POFUT2: variants seen among roughly 807,000 people sequenced by gnomAD.
POFUT2 encodes GDP-fucose protein O-fucosyltransferase 2.
A neutral mutation model predicts 55.0 loss-of-function variants in POFUT2; 30 were observed. That is an observed-to-expected ratio of 0.55 (90% CI 0.41 to 0.74). The LOEUF (loss-of-function observed/expected upper bound fraction) is 0.74. POFUT2 is among the 30% of genes least tolerant of loss of function. POFUT2 has a pLI of 0.00. For missense variants in POFUT2, 524 were observed against 562.6 expected, an observed-to-expected ratio of 0.93 and a Z score of 0.69; for synonymous variants, 267 against 231.1, an observed-to-expected ratio of 1.16 and a Z score of -1.41.
intron 8 of POFUT2, chr21:45,266,193 A>G: frequency 1.5e-6 from 2 of 1,367,562 alleles, no homozygotes; most frequent in Non-Finnish European, 2.0e-6. Flanking sequence ...GCTCCTGCGC[A>G]GCTGGTCTCT....
intron 7 of POFUT2, among the ~76,000 whole-genome samples, chr21:45,269,344 A>C (rs2093195938): frequency 6.6e-6 from 1 of 152,174 alleles, no homozygotes; most frequent in South Asian, 2.1e-4. Flanking sequence ...GTGGAATAGA[A>C]AGGCGGGAAA....
At chr21:45,283,317 G>T (rs2030961366) in intron 3 of POFUT2, 66 bp downstream of exon 3, 3 of 822,878 alleles carry the variant, frequency 3.6e-6, no homozygotes, top group African/African-American at 2.5e-5. Flanking sequence ...GCGGGGGGGG[G>T]GGGACGCATG....
Position 45,285,949 on chromosome 21 carries a change from C to G in POFUT2, c.132-21G>C. 6.3e-7 allele frequency: 1 copy of G among 1,582,616 alleles called. No individual in the cohort carries two copies. Among genetic ancestry groups the G allele is most frequent in the Non-Finnish European group, 8.6e-7 (1 of 1,164,072 alleles). ...GATACCTGAGCAGGGAGAAGGAGGA[C>G]CACAGGTCTCAAATGCTGAGGTTTC... On this transcript the variant is annotated intron_variant, in intron 1 of 8. Transcript: ENST00000349485. The surrounding 1 kb of genome is among the most constrained non-coding windows in gnomAD (Gnocchi z 4.9).
Position 45,265,914 on chromosome 21 carries a change from C to A in POFUT2, c.1137-279G>T, listed in dbSNP as rs530966153. ...GCCACGCTCCTGTCCCACCGCATGT[C>A]CCCCTGGGAGCCCTCCTCTCCGTCA... On this transcript the variant is annotated intron_variant, in intron 8 of 8. Coordinates refer to ENST00000349485, the MANE Select transcript of POFUT2 (RefSeq NM_133635.6). This position sits in a 1 kb window ranked among gnomAD's most constrained non-coding sequence, Gnocchi z 4.6. The A allele has an allele frequency of 1.5e-6, 2 of 1,302,166 alleles. No individual in the cohort carries two copies. The highest frequency in any genetic ancestry group is 3.5e-5 in the East Asian group (1 of 28,524). The allele number at this position is 1,302,166 out of a possible 1,614,324, so 80.7% of individuals were successfully genotyped here.
chr21:45,267,623 G>C lies in POFUT2; in HGVS notation c.1103C>G (p.Ala368Gly), dbSNP rs778154873. ...ELELYKDGGVAIIDQWICAHA... is the reference protein window; with the variant it reads ...ELELYKDGGVGIIDQWICAHA... ...TGCGCAGATCCACTGGTCAATAATC[G>C]CAACGCCTCCGTCCTTGTAGAGCTC... is the stretch of plus-strand genomic sequence containing the variant. Residue 368 changes from alanine to glycine, a missense_variant, in exon 8 of 9, where the codon GCG (alanine) becomes GGG (glycine). This residue lies in a region of POFUT2 where 250 missense variants were observed against 318.2 expected (regional missense o/e 0.79). Coordinates refer to ENST00000349485, the MANE Select transcript of POFUT2 (RefSeq NM_133635.6). This position sits in a 1 kb window ranked among gnomAD's most constrained non-coding sequence, Gnocchi z 4.4. 6.2e-7 allele frequency: 1 copy of C among 1,614,210 alleles called. No homozygotes were observed.
In POFUT2 at chr21:45,278,112, T is replaced by C. The variant is rs769702148; in HGVS notation, c.696A>G (p.Glu232=). Residue 232 remains glutamate (E), a synonymous_variant, in exon 5 of 9, where the codon GAA becomes GAG. Coordinates refer to ENST00000349485, the MANE Select transcript of POFUT2 (RefSeq NM_133635.6). ...NLLHDHYGGK[E]YWDTRRSMVF... is the part of the protein sequence containing the mutation. The stretch of plus-strand genomic sequence containing the variant: ...CCGAGGAAACACTCACATCCCAGTA[T>C]TCTTTCCCTCCATAGTGGTCGTGAA... The C allele has an allele frequency of 6.2e-7, 1 of 1,613,134 alleles. No homozygotes were observed. Among genetic ancestry groups the C allele is most frequent in the African/African-American group, 1.3e-5 (1 of 74,934 alleles).
chr21:45,276,148 C>T (rs1394844501), intron 6 of POFUT2, among the ~76,000 whole-genome samples: 1 of 151,952 alleles, frequency 6.6e-6, no homozygotes, highest in Admixed American at 6.5e-5. Flanking sequence ...GAGATCGTGT[C>T]ACTGCACTCC....
rs1249106656 is a variant in POFUT2 at position 45,285,053 on chromosome 21, G to C, written c.382+625C>G. On this transcript the variant is annotated intron_variant, in intron 2 of 8. Transcript: ENST00000349485. The surrounding 1 kb of genome is among the most constrained non-coding windows in gnomAD (Gnocchi z 4.9). ...AGCCCCGAGAGTGGCTGTCGAGTAA[G>C]AACTCAACAGATGCTGGAAAGCAGG... 1.3e-5 allele frequency among the ~76,000 whole-genome samples: 2 copies of C among 152,148 alleles called. No individual in the cohort carries two copies. The highest frequency in any genetic ancestry group is 2.9e-5 in the Non-Finnish European group (2 of 68,036).
rs1340161743 is a variant in POFUT2 at position 45,264,308 on chromosome 21, CCTGA to C, written c.*1170_*1173del. 1.8e-4 allele frequency: 28 copies of C among 152,274 alleles called. No homozygotes were observed. The highest frequency in any genetic ancestry group is 6.5e-4 in the African/African-American group (27 of 41,458). The allele number at this position is 152,274 out of a possible 1,614,324, so 9.4% of individuals were successfully genotyped here. A position where few individuals can be genotyped will look rare whatever the true frequency, so the allele number is the denominator to read the frequency against. On this transcript the variant is annotated 3_prime_UTR_variant, in exon 9 of 9. Coordinates refer to ENST00000349485, the MANE Select transcript of POFUT2 (RefSeq NM_133635.6). The stretch of plus-strand genomic sequence containing the variant: ...TCAGTGAGGACTCAGCCCCCACCAA[CCTGA>C]CTGAGGGTCACACGACACCATGGTG...
At chr21:45,266,590 G>A (rs2093157114) in intron 8 of POFUT2, 4 of 1,058,552 alleles carry the variant, frequency 3.8e-6, no homozygotes, top group Non-Finnish European at 4.6e-6. Context: ...TCGTAACTGG[G>A]CTCCTGCACA....
Position 45,282,221 on chromosome 21 carries a change from C to A in POFUT2, c.638+128G>T, listed in dbSNP as rs1046020487. The A allele has an allele frequency of 1.5e-6, 1 of 666,752 alleles. No individual in the cohort carries two copies. The highest frequency in any genetic ancestry group is 2.6e-6 in the Non-Finnish European group (1 of 382,008). The allele number at this position is 666,752 out of a possible 1,614,324, so 41.3% of individuals were successfully genotyped here. A position where few individuals can be genotyped will look rare whatever the true frequency, so the allele number is the denominator to read the frequency against. ...CCTAACCACCACCCCCCAGGGCCCCCAGGGTCCGCTGTCTGTGAGGTGGGT... is the reference window on the plus strand; with the variant it reads ...CCTAACCACCACCCCCCAGGGCCCCAAGGGTCCGCTGTCTGTGAGGTGGGT... On this transcript the variant is annotated intron_variant, in intron 4 of 8. Transcript: ENST00000349485. The surrounding 1 kb of genome is among the most constrained non-coding windows in gnomAD (Gnocchi z 4.6).
At chr21:45,266,381 G>A (rs1602144091) in intron 8 of POFUT2, 6 of 1,246,580 alleles carry the variant, frequency 4.8e-6, no homozygotes, top group Non-Finnish European at 6.2e-6. Context: ...CCACACACAG[G>A]GGCCTGCCAG....
chr21:45,279,927 G>A (rs1027364846), intron 4 of POFUT2, among the ~76,000 whole-genome samples: 2 of 152,260 alleles, frequency 1.3e-5, no homozygotes, highest in African/African-American at 2.4e-5. Flanking sequence ...ATGGCTGCAT[G>A]CACAGGCGGC....
At chr21:45,275,284 C>T (rs1025787565) in intron 6 of POFUT2, among the ~76,000 whole-genome samples, 3 of 152,114 alleles carry the variant, frequency 2.0e-5, no homozygotes, top group Admixed American at 6.5e-5. Flanking sequence ...GATGTCGGCA[C>T]GGATGCAGTG....
chr21:45,267,378 A>G lies in POFUT2; in HGVS notation c.1136+212T>C, dbSNP rs2093165612. The G allele has an allele frequency of 4.8e-5, 76 of 1,585,260 alleles. No individual in the cohort carries two copies. The South Asian group carries it at 8.1e-4, about 17-fold the overall frequency. ...AGCCTGCTATGGAGGAATTCTGTGC[A>G]TGAGAACTAAAGGGGCAAGATGAAC... is the stretch of plus-strand genomic sequence containing the variant. On this transcript the variant is annotated intron_variant, in intron 8 of 8. Transcript: ENST00000349485. This position sits in a 1 kb window ranked among gnomAD's most constrained non-coding sequence, Gnocchi z 4.4.
In POFUT2 at chr21:45,267,659, C is replaced by G. The variant is rs2093169047; in HGVS notation, c.1067G>C (p.Trp356Ser). 1 of 1,614,236 alleles carries G rather than the reference C, an allele frequency of 6.2e-7. No individual in the cohort carries two copies. The highest frequency in any genetic ancestry group is 1.3e-5 in the African/African-American group (1 of 75,070). Residue 356 changes from tryptophan to serine, a missense_variant, in exon 8 of 9, where the codon TGG (tryptophan) becomes TCG (serine). Physicochemically the swap from Trp to Ser is radical, Grantham distance 177. Coordinates refer to ENST00000349485, the MANE Select transcript of POFUT2 (RefSeq NM_133635.6). This position sits in a 1 kb window ranked among gnomAD's most constrained non-coding sequence, Gnocchi z 4.4. The stretch of plus-strand genomic sequence containing the variant: ...GTCCTTGTAGAGCTCCAGCTCCTCC[C>G]ACGTGGGTTCAAACCTCACCATCTC... ...LPEMVRFEPT[W>S]EELELYKDGG...
Position 45,267,802 on chromosome 21 carries a change from G to A in POFUT2, c.1013-89C>T. The stretch of plus-strand genomic sequence containing the variant: ...TTTAGCAGACAGACATGCGTACTTG[G>A]CTTCTGGTTAATTCGTTAGGAACTG... On this transcript the variant is annotated intron_variant, in intron 7 of 8. Coordinates refer to ENST00000349485, the MANE Select transcript of POFUT2 (RefSeq NM_133635.6). This position sits in a 1 kb window ranked among gnomAD's most constrained non-coding sequence, Gnocchi z 4.4. The A allele has an allele frequency of 1.7e-6, 2 of 1,198,368 alleles. No homozygotes were observed. Among genetic ancestry groups the A allele is most frequent in the East Asian group, 2.3e-5 (1 of 42,722 alleles). The allele number at this position is 1,198,368 out of a possible 1,614,324, so 74.2% of individuals were successfully genotyped here. A position where few individuals can be genotyped will look rare whatever the true frequency, so the allele number is the denominator to read the frequency against.
Position 45,282,501 on chromosome 21 carries a change from C to T in POFUT2, c.528-42G>A. 1 of 1,226,646 alleles carries T rather than the reference C, an allele frequency of 8.2e-7. No individual in the cohort carries two copies. Among genetic ancestry groups the T allele is most frequent in the South Asian group, 1.2e-5 (1 of 82,080 alleles). 76.0% of individuals were successfully genotyped at this position (1,226,646 alleles called of 1,614,324 possible). A position where few individuals can be genotyped will look rare whatever the true frequency, so the allele number is the denominator to read the frequency against. ...ACAGCAGCTCTATCAGTTTATTTTG[C>T]TTTCACAAGGAAAACAAATCAAGTC... is the stretch of plus-strand genomic sequence containing the variant. On this transcript the variant is annotated intron_variant, in intron 3 of 8. Coordinates refer to ENST00000349485, the MANE Select transcript of POFUT2 (RefSeq NM_133635.6). This position sits in a 1 kb window ranked among gnomAD's most constrained non-coding sequence, Gnocchi z 4.6.
chr21:45,266,455 C>T (rs959619613), intron 8 of POFUT2: 11 of 1,146,824 alleles, frequency 9.6e-6, no homozygotes, highest in Non-Finnish European at 1.2e-5. Context: ...CTTCGCGCAG[C>T]TGAGGGCAGG....
Sources: gnomAD v4.1 joint callset for allele counts (sites outside exome capture counted in the v4.1 genomes callset) on GRCh38, gnomAD v4.1.1 for gene constraint, gnomAD v4.1.1 regional missense constraint, Gnocchi (gnomAD v3.1) non-coding constraint, MANE v1.5 for transcripts, NCBI Gene and HGNC (gene_info 2026-07-23, HGNC 2026-07-21) for gene names.